The following ZNF419 variants were observed in gnomAD, a reference collection of about 807,000 sequenced individuals.
ZNF419 encodes the protein zinc finger protein 419.
In ZNF419, 8 loss-of-function variants were observed where a neutral mutation model predicts 14.9. The ratio of observed to expected loss-of-function variants is 0.54; its 90% CI spans 0.32 to 0.97. The LOEUF (loss-of-function observed/expected upper bound fraction) is 0.97, where lower values mean the gene tolerates loss of function less well. ZNF419 is among the 50% of genes least tolerant of loss of function. The pLI, the probability that ZNF419 is intolerant of heterozygous loss-of-function variation, is 0.04. For missense variants in ZNF419, 595 were observed against 607.2 expected (o/e 0.98, Z 0.21); for synonymous variants, 211 against 205.3 (o/e 1.03, Z -0.24).
Position 57,493,187 on chromosome 19 carries a change from A to G in ZNF419, c.630A>G (p.Lys210=). ...ATTACAAATGCAGTGAATGTGGGAA[A>G]GCCTTTGGTCAGAAATATTTACTTG... ...KRHYKCSECG[K]AFGQKYLLVQ... is the part of the protein sequence containing the mutation. Residue 210 remains lysine (K), a synonymous_variant, in exon 5 of 5, where the codon AAA becomes AAG. Transcript: ENST00000221735. The G allele has an allele frequency of 6.2e-7, 1 of 1,614,244 alleles. No homozygotes were observed. Among genetic ancestry groups the G allele is most frequent in the Non-Finnish European group, 8.5e-7 (1 of 1,180,024 alleles).
chr19:57,489,443 TAAGTTTAAGA>T (rs1315017657), intron 1 of ZNF419: 1 of 152,158 alleles, frequency 6.6e-6, no homozygotes, highest in Non-Finnish European at 1.5e-5. Flanking sequence ...AATTTAAAAG[TAAGTTTAAGA>T]AACCCATATT....
chr19:57,489,908 TACAA>T, intron 1 of ZNF419: 1 of 527,838 alleles, frequency 1.9e-6, no homozygotes, highest in South Asian at 2.3e-5. Flanking sequence ...ATGAGTTTGA[TACAA>T]ACAATCGTCC....
In ZNF419 at chr19:57,494,337, C is replaced by G; in HGVS notation, c.*247C>G. 2.0e-6 allele frequency: 1 copy of G among 488,044 alleles called. No individual in the cohort carries two copies. Among genetic ancestry groups the G allele is most frequent in the Non-Finnish European group, 3.4e-6 (1 of 293,878 alleles). 30.2% of individuals were successfully genotyped at this position (488,044 alleles called of 1,614,324 possible). The stretch of plus-strand genomic sequence containing the variant: ...CTTAGGGTGACAGGTTATGTACTGT[C>G]TCTGAATCAATATGACCTCACTTAA... On this transcript the variant is annotated 3_prime_UTR_variant, in exon 5 of 5. Transcript: ENST00000221735.
In ZNF419 at chr19:57,493,176, G is replaced by T. The variant is rs370630059; in HGVS notation, c.619G>T (p.Glu207Ter). The T allele has an allele frequency of 3.1e-6, 5 of 1,614,234 alleles. No homozygotes were observed. Among genetic ancestry groups the T allele is most frequent in the Non-Finnish European group, 8.5e-7 (1 of 1,180,018 alleles). ...TGGAAAAAGGCATTACAAATGCAGTGAATGTGGGAAAGCCTTTGGTCAGAA... is the reference window on the plus strand; with the variant it reads ...TGGAAAAAGGCATTACAAATGCAGTTAATGTGGGAAAGCCTTTGGTCAGAA... ...HAGKRHYKCS[E>*]CGKAFGQKYL... The change falls in exon 5 of 5, where the codon GAA becomes TAA. Residue 207 changes from glutamate to a stop codon, truncating the protein, a stop_gained. Transcript: ENST00000221735. LOFTEE classifies it low-confidence loss of function (END_TRUNC).
Position 57,492,932 on chromosome 19 carries a change from G to A in ZNF419, c.375G>A (p.Gln125=). 6.2e-7 allele frequency: 1 copy of A among 1,614,192 alleles called. No homozygotes were observed. The highest frequency in any genetic ancestry group is 8.5e-7 in the Non-Finnish European group (1 of 1,180,034). ...ASVGLLSSNI[Q]QHQKQHCGEK... Reference sequence around the variant, plus strand: ...TAGGACTGCTCAGTTCAAACATTCAGCAACACCAGAAGCAGCACTGTGGAG... The same window carrying A: ...TAGGACTGCTCAGTTCAAACATTCAACAACACCAGAAGCAGCACTGTGGAG... Residue 125 remains glutamine, a synonymous_variant, in exon 5 of 5, where the codon CAG becomes CAA. Coordinates refer to ENST00000221735, the MANE Select transcript of ZNF419 (RefSeq NM_024691.4).
rs555465551 is a variant in ZNF419 at position 57,491,483 on chromosome 19, T to G, written c.85T>G (p.Phe29Val). The change falls in exon 3 of 5, where the codon TTT becomes GTT. Residue 29 changes from phenylalanine (F) to valine (V), a missense_variant. Phe to Val is a conservative substitution (Grantham distance 50). Transcript: ENST00000221735. ...LTDHEEGYVT[F>V]EDVAVYFSQE... ...TCCATCTTAGCAGGGCTATGTGACC[T>G]TTGAGGATGTGGCTGTCTACTTCTC... is the stretch of plus-strand genomic sequence containing the variant. 1 of 1,613,450 alleles carries G rather than the reference T, an allele frequency of 6.2e-7. No individual in the cohort carries two copies. Among genetic ancestry groups the G allele is most frequent in the South Asian group, 1.1e-5 (1 of 91,074 alleles).
chr19:57,494,148 T>A lies in ZNF419; in HGVS notation c.*58T>A, dbSNP rs1400466379. On this transcript the variant is annotated 3_prime_UTR_variant, in exon 5 of 5. Coordinates refer to ENST00000221735, the MANE Select transcript of ZNF419 (RefSeq NM_024691.4). ...TCATTCAACACCAGAAAGTTCACAG[T>A]GGAAAAAATCTTGAAGGTAACAGAT... 4 of 1,536,124 alleles carry A rather than the reference T, an allele frequency of 2.6e-6. No individual in the cohort carries two copies. Among genetic ancestry groups the A allele is most frequent in the Non-Finnish European group, 3.5e-6 (4 of 1,147,758 alleles).
rs538019214 is a variant in ZNF419 at position 57,490,153 on chromosome 19, G to T, written c.40G>T (p.Val14Leu). The T allele has an allele frequency of 5.0e-6, 8 of 1,613,662 alleles. No homozygotes were observed. The highest frequency in any genetic ancestry group is 6.8e-6 in the Non-Finnish European group (8 of 1,179,882). The change falls in exon 2 of 5, where the codon GTG (valine) becomes TTG (leucine). Residue 14 changes from valine (V) to leucine (L), a missense_variant. Transcript: ENST00000221735. The stretch of plus-strand genomic sequence containing the variant: ...TAGTCTTGATTTTCCATAGGTTCCT[G>T]TGGCTGCAGACTTGCTTACAGACCA... Reference protein sequence around the residue: ...AALRDPAQVPVAADLLTDHEE... With the variant: ...AALRDPAQVPLAADLLTDHEE...
At chr19:57,492,272 T>C in intron 4 of ZNF419, 61 bp downstream of exon 4, 2 of 1,556,856 alleles carry the variant, frequency 1.3e-6, no homozygotes, top group Non-Finnish European at 1.8e-6. Context: ...ATCATACCAG[T>C]AGGCCCAGAT....
At chr19:57,492,698 C>G in intron 4 of ZNF419, 158 bp from the exon 5 acceptor site, 1 of 1,019,048 alleles carries the variant, frequency 9.8e-7, no homozygotes, top group South Asian at 1.3e-5. Flanking sequence ...CCAGATTCAG[C>G]ACTGCACAGC....
At chr19:57,490,318 C>T (rs1281380964) in intron 2 of ZNF419, 133 bp downstream of exon 2, 80 of 751,180 alleles carry the variant, frequency 1.1e-4, no homozygotes, top group East Asian at 2.7e-5. Context: ...AAGATGGTCA[C>T]ACACAGTCAG....
At position 57,492,581 on chromosome 19, in the gene ZNF419, A is replaced by G. The variant is rs185212143; in HGVS notation, c.299-275A>G. 23 of 751,382 alleles carry G rather than the reference A, an allele frequency of 3.1e-5. No individual in the cohort carries two copies. The African/African-American group carries it at 3.4e-4, about 11-fold the overall frequency. 46.5% of individuals were successfully genotyped at this position (751,382 alleles called of 1,614,324 possible). On this transcript the variant is annotated intron_variant, in intron 4 of 4. Transcript: ENST00000221735. ...TCTCCAGCAGCCAAAGTCCTGTGGA[A>G]AGCCATTTGCAGAGGATTGTGTTGG... is the stretch of plus-strand genomic sequence containing the variant.
At chr19:57,492,234 G>C (rs766664324) in intron 4 of ZNF419, 23 bp downstream of exon 4, 2 of 1,613,370 alleles carry the variant, frequency 1.2e-6, no homozygotes, top group Non-Finnish European at 1.7e-6. Flanking sequence ...TGGAGCTCAG[G>C]GAGGTGTGAA....
Position 57,492,894 on chromosome 19 carries a change from C to A in ZNF419, c.337C>A (p.Gln113Lys), listed in dbSNP as rs2089524409. 2.5e-6 allele frequency: 4 copies of A among 1,613,890 alleles called. No individual in the cohort carries two copies. The highest frequency in any genetic ancestry group is 2.7e-5 in the African/African-American group (2 of 74,938). Residue 113 changes from glutamine to lysine, a missense_variant, in exon 5 of 5, where the codon CAG becomes AAG. Transcript: ENST00000221735. ...AGCCGAGGCTGAGGAGGCTCCTGAG[C>A]AGATTGCTTCTGTAGGACTGCTCAG... ...HGAEAEEAPE[Q>K]IASVGLLSSN... is the part of the protein sequence containing the mutation.
Position 57,494,170 on chromosome 19 carries a change from A to T in ZNF419, c.*80A>T. The T allele has an allele frequency of 1.3e-6, 2 of 1,520,066 alleles. No homozygotes were observed. Among genetic ancestry groups the T allele is most frequent in the Non-Finnish European group, 1.8e-6 (2 of 1,136,500 alleles). The allele number at this position is 1,520,066 out of a possible 1,614,324, so 94.2% of individuals were successfully genotyped here. ...CAGTGGAAAAAATCTTGAAGGTAAC[A>T]GATGGAAATCCGTTAGCCACACCTC... On this transcript the variant is annotated 3_prime_UTR_variant, in exon 5 of 5. Coordinates refer to ENST00000221735, the MANE Select transcript of ZNF419 (RefSeq NM_024691.4).
In ZNF419 at chr19:57,495,198, A is replaced by G. The variant is rs2089594015; in HGVS notation, c.*1108A>G. On this transcript the variant is annotated 3_prime_UTR_variant, in exon 5 of 5. Coordinates refer to ENST00000221735, the MANE Select transcript of ZNF419 (RefSeq NM_024691.4). ...TAAAATTTAGAGATGAGGTCGTGCT[A>G]TGTTGCACAGACTAGTCTCTAACTC... 6.6e-6 allele frequency: 1 copy of G among 152,102 alleles called. No homozygotes were observed. The highest frequency in any genetic ancestry group is 2.4e-5 in the African/African-American group (1 of 41,402). 9.4% of individuals were successfully genotyped at this position (152,102 alleles called of 1,614,324 possible). A position where few individuals can be genotyped will look rare whatever the true frequency, so the allele number is the denominator to read the frequency against.
intron 1 of ZNF419, 116 bp downstream of exon 1, chr19:57,488,099 A>G (rs1477564621): frequency 2.1e-5 from 32 of 1,503,478 alleles, no homozygotes; most frequent in South Asian, 1.3e-4. Context: ...CGTTTCTGAC[A>G]CGCAGTGTGA....
Position 57,492,974 on chromosome 19 carries a change from A to G in ZNF419, c.417A>G (p.Arg139=), listed in dbSNP as rs1485836052. ...ACTGTGGAGAGAAACCCTTAAAAAGACAAGAGGGCAGGGTCCCAGTTTTGA... is the reference window on the plus strand; with the variant it reads ...ACTGTGGAGAGAAACCCTTAAAAAGGCAAGAGGGCAGGGTCCCAGTTTTGA... ...KQHCGEKPLK[R]QEGRVPVLRS... is the part of the protein sequence containing the mutation. The change falls in exon 5 of 5, where the codon AGA becomes AGG. Residue 139 remains arginine (R), a synonymous_variant. Coordinates refer to ENST00000221735, the MANE Select transcript of ZNF419 (RefSeq NM_024691.4). 6 of 1,614,090 alleles carry G rather than the reference A, an allele frequency of 3.7e-6. No individual in the cohort carries two copies. Among genetic ancestry groups the G allele is most frequent in the Non-Finnish European group, 5.1e-6 (6 of 1,180,048 alleles).
At position 57,493,975 on chromosome 19, in the gene ZNF419, A is replaced by G. The variant is rs904340845; in HGVS notation, c.1418A>G (p.His473Arg). ...AGAGAGAATTCCAGCCTTGTTAAAC[A>G]TCAGAGGGTTCACACTGGAGCAAAG... ...LFRENSSLVK[H>R]QRVHTGAKPY... The change falls in exon 5 of 5, where the codon CAT (histidine) becomes CGT (arginine). Residue 473 changes from histidine to arginine, a missense_variant. His to Arg is a conservative substitution (Grantham distance 29). Transcript: ENST00000221735. 6.2e-7 allele frequency: 1 copy of G among 1,614,266 alleles called. No individual in the cohort carries two copies. The highest frequency in any genetic ancestry group is 8.5e-7 in the Non-Finnish European group (1 of 1,180,050).
Sources: gnomAD v4.1 joint callset for allele counts on GRCh38, gnomAD v4.1.1 for gene constraint, MANE v1.5 for transcripts, NCBI Gene and HGNC (gene_info 2026-07-23, HGNC 2026-07-21) for gene names.